Variants in PLGRKT observed in about 807,000 individuals in gnomAD.
The protein encoded by PLGRKT is plasminogen receptor (KT).
Under a neutral mutation model 18.5 loss-of-function variants are expected in PLGRKT, and 22 were observed. The ratio of observed to expected loss-of-function variants is 1.19; its 90% CI spans 0.85 to 1.70. The LOEUF (loss-of-function observed/expected upper bound fraction) is 1.70. PLGRKT is among the 40% of genes most tolerant of loss of function. PLGRKT has a pLI of 0.00. For synonymous variants in PLGRKT, 72 were observed against 52.8 expected (o/e 1.36, Z -1.58); for missense variants, 235 against 174.4 (o/e 1.35, Z -1.96).
chr9:5,435,602 T>G (rs1439980988), intron 2 of PLGRKT, among the ~76,000 whole-genome samples: 1 of 152,244 alleles, frequency 6.6e-6, no homozygotes, highest in Non-Finnish European at 1.5e-5. Context: ...TTATGTAAGT[T>G]TTTAAGTGGG....
At chr9:5,358,668 G>A (rs1817192569) in intron 5 of PLGRKT, among the ~76,000 whole-genome samples, 1 of 152,130 alleles carries the variant, frequency 6.6e-6, no homozygotes, top group Non-Finnish European at 1.5e-5. Flanking sequence ...CTGTTTGGAG[G>A]GATTTGGGTA....
chr9:5,410,030 T>C (rs1818332602), intron 3 of PLGRKT, among the ~76,000 whole-genome samples: 1 of 152,162 alleles, frequency 6.6e-6, no homozygotes, highest in South Asian at 2.1e-4. Flanking sequence ...GATGATAAAA[T>C]GATTGCTTTT....
intron 3 of PLGRKT, among the ~76,000 whole-genome samples, chr9:5,424,017 ATATATGACATATATTG>A (rs1439062031): frequency 7.3e-6 from 1 of 137,610 alleles, no homozygotes; most frequent in Non-Finnish European, 1.5e-5. Context: ...TTCATCTATT[ATATATGACATATATTG>A]TATATACCAT....
rs1302913850 is a variant in PLGRKT at position 5,369,342 on chromosome 9, CTCA to C, written c.82-7457_82-7455del. 3.3e-5 allele frequency among the ~76,000 whole-genome samples: 5 copies of C among 152,290 alleles called. No individual in the cohort carries two copies. The East Asian group carries it at 9.6e-4, about 29-fold the overall frequency. ...CAGCCAACAAACATATGAAAAAATG[CTCA>C]TCATCACTGGTCATTAGAGAAATGC... On this transcript the variant is annotated intron_variant, in intron 3 of 5. Transcript: ENST00000223864.
intron 3 of PLGRKT, among the ~76,000 whole-genome samples, chr9:5,408,250 C>G (rs1057081766): frequency 6.6e-6 from 1 of 152,156 alleles, no homozygotes; most frequent in Non-Finnish European, 1.5e-5. Flanking sequence ...TAGAGACTTG[C>G]TGAATGGTTG....
In PLGRKT at chr9:5,418,706, T is replaced by C. The variant is rs1818513085; in HGVS notation, c.81+13191A>G. ...TAGCACCCACTGCCGGGAAGTCTGA[T>C]GAAGACCGGCATGTGCTCCGAAGCG... On this transcript the variant is annotated intron_variant, in intron 3 of 5. Transcript: ENST00000223864. The surrounding 1 kb of genome is among the most constrained non-coding windows in gnomAD (Gnocchi z 4.2). 3.0e-6 allele frequency: 2 copies of C among 665,606 alleles called. No homozygotes were observed. Among genetic ancestry groups the C allele is most frequent in the Admixed American group, 4.2e-5 (2 of 47,648 alleles). 41.2% of individuals were successfully genotyped at this position (665,606 alleles called of 1,614,324 possible). A position where few individuals can be genotyped will look rare whatever the true frequency, so the allele number is the denominator to read the frequency against.
intron 3 of PLGRKT, among the ~76,000 whole-genome samples, chr9:5,415,792 C>A (rs1818447720): frequency 6.6e-6 from 1 of 151,892 alleles, no homozygotes; most frequent in Non-Finnish European, 1.5e-5. Context: ...AAATAAATGA[C>A]CAGTATTTCT....
intron 3 of PLGRKT, among the ~76,000 whole-genome samples, chr9:5,422,990 T>A (rs1031212348): frequency 6.6e-6 from 1 of 152,216 alleles, no homozygotes; most frequent in Non-Finnish European, 1.5e-5. Flanking sequence ...TATTTGCACG[T>A]TTAAAATTTT....
At chr9:5,398,078 T>C (rs1451730835) in intron 3 of PLGRKT, among the ~76,000 whole-genome samples, 1 of 151,796 alleles carries the variant, frequency 6.6e-6, no homozygotes, top group Non-Finnish European at 1.5e-5. Flanking sequence ...GATTAGGATA[T>C]CAGTGGATGG....
chr9:5,428,796 T>C (rs1375787169), intron 3 of PLGRKT, among the ~76,000 whole-genome samples: 4 of 152,202 alleles, frequency 2.6e-5, no homozygotes, highest in African/African-American at 9.6e-5. Context: ...CTTCCTGGGC[T>C]CAAGCAATCC....
intron 3 of PLGRKT, among the ~76,000 whole-genome samples, chr9:5,403,867 T>C (rs1292607281): frequency 6.6e-6 from 1 of 152,194 alleles, no homozygotes; most frequent in African/African-American, 2.4e-5. Context: ...TGTTCATAGG[T>C]TCCCCCTTAT....
At chr9:5,358,713 A>T (rs1381815648) in intron 5 of PLGRKT, among the ~76,000 whole-genome samples, 1 of 152,180 alleles carries the variant, frequency 6.6e-6, no homozygotes, top group Non-Finnish European at 1.5e-5. Flanking sequence ...ATTGTCCTTT[A>T]ATATAAGTGA....
At chr9:5,394,258 G>T (rs995246863) in intron 3 of PLGRKT, among the ~76,000 whole-genome samples, 4 of 151,762 alleles carry the variant, frequency 2.6e-5, no homozygotes, top group African/African-American at 9.7e-5. Flanking sequence ...GGGTGAGCAG[G>T]GAAGGCAGAG....
intron 3 of PLGRKT, among the ~76,000 whole-genome samples, chr9:5,410,009 C>A (rs554306956): frequency 2.0e-5 from 3 of 151,954 alleles, no homozygotes; most frequent in Non-Finnish European, 4.4e-5. Flanking sequence ...CCCTAGAAAC[C>A]AAGCATATAA....
intron 3 of PLGRKT, among the ~76,000 whole-genome samples, chr9:5,410,968 G>A (rs1370411634): frequency 6.6e-6 from 1 of 152,078 alleles, no homozygotes; most frequent in African/African-American, 2.4e-5. Context: ...AACAAAATGG[G>A]TATTTGTATG....
rs1563790070 is a variant in PLGRKT, at chr9:5,424,689, T to TATATATATACAC, written c.81+7207_81+7208insGTGTATATATAT. On this transcript the variant is annotated intron_variant, in intron 3 of 5. Coordinates refer to ENST00000223864, the MANE Select transcript of PLGRKT (RefSeq NM_018465.4). ...TATTTTATATATATATATATATATATATACACACAGGGGGGGGAGAGAGGG... is the reference window on the plus strand; with the variant it reads ...TATTTTATATATATATATATATATATATATATATACACATACACACAGGGGGGGGAGAGAGGG... Among the ~76,000 whole-genome samples, 170 of 70,836 alleles carry TATATATATACAC rather than the reference T, an allele frequency of 2.4e-3. 2 individuals are homozygous for TATATATATACAC. Among genetic ancestry groups the TATATATATACAC allele is most frequent in the African/African-American group, 8.8e-3 (149 of 16,974 alleles). 46.5% of individuals were successfully genotyped at this position (70,836 alleles called of 152,430 possible).
intron 3 of PLGRKT, among the ~76,000 whole-genome samples, chr9:5,364,857 C>T (rs1265178300): frequency 6.6e-6 from 1 of 152,134 alleles, no homozygotes; most frequent in Non-Finnish European, 1.5e-5. Flanking sequence ...GAGGAAAAGA[C>T]TAGAATGAAC....
At chr9:5,432,130 T>C in intron 2 of PLGRKT, 147 bp from the exon 3 acceptor site, 1 of 576,578 alleles carries the variant, frequency 1.7e-6, no homozygotes, top group Non-Finnish European at 3.1e-6. Flanking sequence ...TTCTAGTTCT[T>C]GCTCCTAACT....
At chr9:5,368,187 A>G (rs1030420860) in intron 3 of PLGRKT, among the ~76,000 whole-genome samples, 4 of 152,184 alleles carry the variant, frequency 2.6e-5, no homozygotes, top group African/African-American at 9.6e-5. Flanking sequence ...TTCTCAAAGA[A>G]CTTAAAACAG....
Sources: gnomAD v4.1 joint callset for allele counts (sites outside exome capture counted in the v4.1 genomes callset) on GRCh38, gnomAD v4.1.1 for gene constraint, Gnocchi (gnomAD v3.1) non-coding constraint, MANE v1.5 for transcripts, NCBI Gene and HGNC (gene_info 2026-07-23, HGNC 2026-07-21) for gene names.